The following SAXO1 variants were observed in gnomAD, a reference collection of about 807,000 sequenced individuals.
The protein encoded by SAXO1 is 4930500O09Rik.
A neutral mutation model predicts 17.5 loss-of-function variants in SAXO1; 21 were observed. The observed-to-expected ratio is 1.20, with a 90% confidence interval of 0.85 to 1.72. SAXO1 has a LOEUF of 1.72. Ranked by LOEUF, SAXO1 falls within the 40% of genes most tolerant of loss-of-function variation. The probability of loss-of-function intolerance (pLI) is 0.00; values close to 1 mark genes in which losing one functional copy is unlikely to be tolerated. For synonymous variants in SAXO1, 274 were observed against 216.5 expected (o/e 1.27, Z -2.33); for missense variants, 843 against 596.0 (o/e 1.41, Z -4.32).
intron 1 of SAXO1, among the ~76,000 whole-genome samples, chr9:19,005,300 G>T (rs536191760): frequency 6.6e-6 from 1 of 151,758 alleles, no homozygotes; most frequent in Non-Finnish European, 1.5e-5. Context: ...GAATCTCAAG[G>T]GACCCAAAAC....
chr9:18,971,615 TAGG>T (rs1215843696), intron 1 of SAXO1, among the ~76,000 whole-genome samples: 1 of 152,088 alleles, frequency 6.6e-6, no homozygotes, highest in Non-Finnish European at 1.5e-5. Flanking sequence ...CCAAAACAAG[TAGG>T]AGGCTGGACT....
chr9:18,931,279 T>C (rs1428095551), intron 3 of SAXO1, among the ~76,000 whole-genome samples: 1 of 152,180 alleles, frequency 6.6e-6, no homozygotes, highest in African/African-American at 2.4e-5. Flanking sequence ...ATATGTAGCG[T>C]TTTGCATCTG....
At chr9:19,036,907 C>A (rs1454086848), upstream of SAXO1, among the ~76,000 whole-genome samples, 1 of 152,140 alleles carries the variant, frequency 6.6e-6, no homozygotes, top group African/African-American at 2.4e-5. Flanking sequence ...TCATTGCCAG[C>A]CCATGAAAAC....
At chr9:18,986,921 A>T (rs1294886458) in intron 1 of SAXO1, among the ~76,000 whole-genome samples, 2 of 152,210 alleles carry the variant, frequency 1.3e-5, no homozygotes, top group African/African-American at 4.8e-5. Flanking sequence ...TGTATTGAGG[A>T]AGGGGTGCCC....
intron 1 of SAXO1, among the ~76,000 whole-genome samples, chr9:18,953,200 A>G (rs751095201): frequency 1.2e-4 from 18 of 152,232 alleles, no homozygotes; most frequent in Non-Finnish European, 2.2e-4. Flanking sequence ...TTTATTCAGG[A>G]TAACTTAGTT....
intron 1 of SAXO1, chr9:19,027,711 C>T: frequency 1.4e-6 from 2 of 1,381,572 alleles, no homozygotes; most frequent in Non-Finnish European, 2.1e-6. Flanking sequence ...GCCATAGGCA[C>T]CAAGCACTTT....
chr9:19,046,906 G>T (rs964581438), intron 1 of SAXO1, among the ~76,000 whole-genome samples: 1 of 151,976 alleles, frequency 6.6e-6, no homozygotes, highest in Admixed American at 6.6e-5. Flanking sequence ...AGAAAAGAAG[G>T]CCAGGCGCAG....
At chr9:18,963,319 C>T (rs1393815492) in intron 1 of SAXO1, among the ~76,000 whole-genome samples, 1 of 151,994 alleles carries the variant, frequency 6.6e-6, no homozygotes, top group Non-Finnish European at 1.5e-5. Context: ...AATTTAAAGT[C>T]GTTTTTTCTA....
intron 3 of SAXO1, among the ~76,000 whole-genome samples, chr9:18,936,640 C>G (rs1018533240): frequency 2.0e-5 from 3 of 152,218 alleles, no homozygotes; most frequent in African/African-American, 7.2e-5. Context: ...TGAAAAACCT[C>G]AGAATTTCAC....
rs764732986 is a variant in SAXO1 at position 18,950,565 on chromosome 9, G to GA, written c.218+192dup. On this transcript the variant is annotated intron_variant, in intron 2 of 3. Transcript: ENST00000380534. ...TCCTTTCTCTTTAACAGAGAATTTG[G>GA]AAAAAACTGAGAAGGCTCATAAATG... Among the ~76,000 whole-genome samples the GA allele has an allele frequency of 3.3e-5, 5 of 152,196 alleles. No homozygotes were observed. In the East Asian group the frequency reaches 5.8e-4, roughly 18 times the overall value.
chr9:19,010,374 T>C (rs1001458671), intron 1 of SAXO1, among the ~76,000 whole-genome samples: 2 of 152,036 alleles, frequency 1.3e-5, no homozygotes, highest in Non-Finnish European at 2.9e-5. Context: ...CAAGCTCCCT[T>C]CTGATGGGAA....
intron 1 of SAXO1, among the ~76,000 whole-genome samples, chr9:18,970,615 G>A (rs1157108121): frequency 6.6e-6 from 1 of 152,220 alleles, no homozygotes; most frequent in Admixed American, 6.5e-5. Flanking sequence ...TACAGCCCTA[G>A]AGTTGTGCTT....
chr9:19,016,661 C>CA (rs1006872685), intron 1 of SAXO1, among the ~76,000 whole-genome samples: 10 of 152,148 alleles, frequency 6.6e-5, no homozygotes, highest in Non-Finnish European at 1.0e-4. Flanking sequence ...GGCCCCACAA[C>CA]AAAAAATGTC....
At chr9:19,005,782 A>T (rs1834460011) in intron 1 of SAXO1, among the ~76,000 whole-genome samples, 1 of 152,246 alleles carries the variant, frequency 6.6e-6, no homozygotes, top group South Asian at 2.1e-4. Context: ...GTCTTCATCG[A>T]AATTAGAAAC....
intron 1 of SAXO1, among the ~76,000 whole-genome samples, chr9:19,047,517 C>T (rs1836249088): frequency 6.6e-6 from 1 of 152,280 alleles, no homozygotes; most frequent in Admixed American, 6.5e-5. Context: ...AATTAAAAGA[C>T]ACATTGGAGA....
At chr9:19,021,427 G>GC (rs1329301330) in intron 1 of SAXO1, among the ~76,000 whole-genome samples, 1 of 152,162 alleles carries the variant, frequency 6.6e-6, no homozygotes, top group African/African-American at 2.4e-5. Context: ...TCAGGTCTGT[G>GC]CCCCATGTCC....
intron 3 of SAXO1, among the ~76,000 whole-genome samples, chr9:18,931,497 A>G (rs186045192): frequency 2.0e-3 from 308 of 152,352 alleles, no homozygotes; most frequent in African/African-American, 7.3e-3. Flanking sequence ...GTGTGTGAAC[A>G]TATATTTTCA....
At chr9:18,959,621 A>C (rs1455964775) in intron 1 of SAXO1, among the ~76,000 whole-genome samples, 1 of 152,088 alleles carries the variant, frequency 6.6e-6, no homozygotes, top group African/African-American at 2.4e-5. Flanking sequence ...AAATACAAAA[A>C]TTGGCCAGGT....
intron 1 of SAXO1, among the ~76,000 whole-genome samples, chr9:19,041,552 A>G (rs1836080640): frequency 6.6e-6 from 1 of 152,232 alleles, no homozygotes; most frequent in Non-Finnish European, 1.5e-5. Context: ...GTTATACTAC[A>G]GAGTTATGGT....
Sources: gnomAD v4.1 joint callset for allele counts (sites outside exome capture counted in the v4.1 genomes callset) on GRCh38, gnomAD v4.1.1 for gene constraint, MANE v1.5 for transcripts, NCBI Gene and HGNC (gene_info 2026-07-23, HGNC 2026-07-21) for gene names.